The following MIDEAS variants were observed in gnomAD, a reference collection of about 807,000 sequenced individuals.
MIDEAS encodes mitotic deacetylase-associated SANT domain protein.
Under a neutral mutation model 102.7 loss-of-function variants are expected in MIDEAS, and 26 were observed. The observed-to-expected ratio is 0.25, with a 90% CI of 0.19 to 0.35. MIDEAS has a LOEUF of 0.35. Among genes scored for constraint, MIDEAS ranks in the 10% least tolerant of loss-of-function variants. The pLI, the probability that MIDEAS is intolerant of heterozygous loss-of-function variation, is 1.00. For synonymous variants in MIDEAS, 585 were observed against 591.0 expected (o/e 0.99, Z 0.15); for missense variants, 1,231 against 1,435.6 (o/e 0.86, Z 2.30).
chr14:73,740,470 G>A (rs1422323083), intron 1 of MIDEAS, among the ~76,000 whole-genome samples: 1 of 152,154 alleles, frequency 6.6e-6, no homozygotes, highest in Non-Finnish European at 1.5e-5. Context: ...CATCTCCCAG[G>A]GCACTGTGAC....
intron 1 of MIDEAS, among the ~76,000 whole-genome samples, chr14:73,765,458 G>A (rs987663318): frequency 2.0e-5 from 3 of 152,140 alleles, no homozygotes; most frequent in African/African-American, 7.2e-5. Flanking sequence ...TTTTATAAGT[G>A]TTGGCTATCA....
chr14:73,730,035 A>G, intron 3 of MIDEAS, 50 bp from the exon 4 acceptor site: 2 of 1,576,304 alleles, frequency 1.3e-6, no homozygotes, highest in South Asian at 1.1e-5. Context: ...TGTCCCAGAG[A>G]AAGTAAAGTC....
At chr14:73,787,295 C>T (rs573171099), upstream of MIDEAS, 4 of 148,994 alleles carry the variant, frequency 2.7e-5, no homozygotes, top group African/African-American at 7.3e-5. Flanking sequence ...TGCAGCCAGC[C>T]GCCCCGCCCG....
In MIDEAS at chr14:73,738,502, C is replaced by T. The variant is rs961753966; in HGVS notation, c.1449+58G>A. ...AGGCAAGAAGCAAATCCTGCAGCCGCCCACCTATCAGCCTGATGCCCTCTG... is the reference window on the plus strand; with the variant it reads ...AGGCAAGAAGCAAATCCTGCAGCCGTCCACCTATCAGCCTGATGCCCTCTG... On this transcript the variant is annotated intron_variant, in intron 2 of 12. Coordinates refer to ENST00000423556, the MANE Select transcript of MIDEAS (RefSeq NM_001367710.1). 6.4e-6 allele frequency: 6 copies of T among 939,886 alleles called. No homozygotes were observed. The African/African-American group carries it at 6.6e-5, about 10-fold the overall frequency. The allele number at this position is 939,886 out of a possible 1,614,324, so 58.2% of individuals were successfully genotyped here. A position where few individuals can be genotyped will look rare whatever the true frequency, so the allele number is the denominator to read the frequency against.
upstream of MIDEAS, among the ~76,000 whole-genome samples, chr14:73,788,255 T>C (rs932827674): frequency 7.9e-5 from 12 of 152,140 alleles, no homozygotes; most frequent in Non-Finnish European, 1.3e-4. Context: ...GACCTTTTAA[T>C]AGGTGGTTCA....
At chr14:73,741,093 C>T (rs1395402641) in intron 1 of MIDEAS, among the ~76,000 whole-genome samples, 1 of 152,222 alleles carries the variant, frequency 6.6e-6, no homozygotes, top group East Asian at 1.9e-4. Context: ...GACCCCGCCC[C>T]TGCCTGACCC....
intron 1 of MIDEAS, among the ~76,000 whole-genome samples, chr14:73,751,319 C>T (rs1011548901): frequency 3.3e-5 from 5 of 152,254 alleles, no homozygotes; most frequent in Non-Finnish European, 7.3e-5. Context: ...TTGGAGGTCA[C>T]ACCAGGCTGC....
At chr14:73,720,942 A>T (rs181295426) in intron 11 of MIDEAS, among the ~76,000 whole-genome samples, 1 of 152,074 alleles carries the variant, frequency 6.6e-6, no homozygotes, top group Non-Finnish European at 1.5e-5. Flanking sequence ...CAAACCACCA[A>T]TGCTCCCTCA....
rs1204330871 is a variant in MIDEAS, at chr14:73,716,571, T to C, written c.*2272A>G. On this transcript the variant is annotated 3_prime_UTR_variant, in exon 13 of 13. Transcript: ENST00000423556. ...GGTGGTGTGTGCCTATAATCCCAGC[T>C]ACTCAGGAGGCTGAGGCAGGAGAAT... The C allele has an allele frequency of 2.7e-5, 4 of 148,664 alleles. No individual in the cohort carries two copies. The highest frequency in any genetic ancestry group is 1.0e-4 in the African/African-American group (4 of 40,082). 9.2% of individuals were successfully genotyped at this position (148,664 alleles called of 1,614,324 possible).
intron 9 of MIDEAS, 96 bp from the exon 10 acceptor site, chr14:73,722,943 C>T: frequency 6.8e-7 from 1 of 1,461,372 alleles, no homozygotes; most frequent in Non-Finnish European, 9.3e-7. Context: ...TTTCCCTTAA[C>T]TTCAAGCCAA....
rs1410959725 is a variant in MIDEAS at position 73,780,668 on chromosome 14, C to T, written c.-248+6434G>A. ...GCATTAACTGGCTGTTCAAAGAGTG[C>T]CATGCCTGTGTTCCTGGGCCTTCTC... On this transcript the variant is annotated intron_variant, in intron 1 of 11. Transcript: ENST00000394071. Among the ~76,000 whole-genome samples the T allele has an allele frequency of 2.0e-5, 3 of 152,164 alleles. No homozygotes were observed. The East Asian group carries it at 5.8e-4, about 29-fold the overall frequency.
chr14:73,722,595 G>T (rs2140096955), intron 10 of MIDEAS, 103 bp downstream of exon 10: 1 of 1,404,446 alleles, frequency 7.1e-7, no homozygotes. Context: ...TCCTCAACCT[G>T]CCCTCTGCAG....
intron 3 of MIDEAS, among the ~76,000 whole-genome samples, chr14:73,730,637 G>A (rs1382969402): frequency 2.6e-5 from 4 of 152,002 alleles, no homozygotes; most frequent in Non-Finnish European, 4.4e-5. Flanking sequence ...CTCCTACTGC[G>A]TGCTAAGACC....
chr14:73,770,284 T>C (rs2053630606), intron 1 of MIDEAS, among the ~76,000 whole-genome samples: 1 of 152,186 alleles, frequency 6.6e-6, no homozygotes, highest in African/African-American at 2.4e-5. Flanking sequence ...AAGAGAATTC[T>C]AAATAGGTGT....
At chr14:73,775,226 C>T (rs985116519) in intron 1 of MIDEAS, among the ~76,000 whole-genome samples, 5 of 152,020 alleles carry the variant, frequency 3.3e-5, no homozygotes, top group Admixed American at 1.3e-4. Context: ...AAGAAAAAGG[C>T]CAGAAAGGTG....
intron 1 of MIDEAS, among the ~76,000 whole-genome samples, chr14:73,769,761 C>A (rs1324303807): frequency 6.6e-6 from 1 of 151,988 alleles, no homozygotes; most frequent in East Asian, 1.9e-4. Context: ...ACCACCACGC[C>A]CAGCTAATTT....
chr14:73,720,028 G>A (rs1370839479), intron 11 of MIDEAS, among the ~76,000 whole-genome samples: 1 of 151,858 alleles, frequency 6.6e-6, no homozygotes, highest in Non-Finnish European at 1.5e-5. Context: ...AGAGCAGAGG[G>A]AGCAGAGGTG....
At chr14:73,788,003 A>G (rs1250778914), upstream of MIDEAS, among the ~76,000 whole-genome samples, 1 of 152,196 alleles carries the variant, frequency 6.6e-6, no homozygotes, top group African/African-American at 2.4e-5. Flanking sequence ...GAAATTTATC[A>G]TTGCTCAAAA....
chr14:73,790,283 C>T (rs1163792099), upstream of MIDEAS: 15 of 152,172 alleles, frequency 9.9e-5, 1 homozygote, highest in Admixed American at 9.8e-4. Context: ...CAGGAATCTA[C>T]TTGTGATTGC....
Sources: allele counts gnomAD v4.1 joint callset (sites outside exome capture counted in the v4.1 genomes callset), GRCh38; gene constraint gnomAD v4.1.1; transcripts MANE v1.5; gene names NCBI Gene and HGNC (gene_info 2026-07-23, HGNC 2026-07-21).